Variants in MCTS1 observed in about 807,000 individuals in gnomAD.
MCTS1 encodes malignant T-cell-amplified sequence 1.
For missense variants in MCTS1, 55 were observed against 128.6 expected (o/e 0.43, Z 2.77); for synonymous variants, 26 against 40.8 (o/e 0.64, Z 1.38).
chrX:120,611,111 A>G, intron 5 of MCTS1, 33 bp downstream of exon 5: 1 of 1,166,500 alleles, frequency 8.6e-7, no homozygotes, highest in Non-Finnish European at 1.2e-6. Flanking sequence ...TTAACTTTTG[A>G]TATATGGGTA....
rs1183232913 is a variant in MCTS1, at chrX:120,621,055, ACTTAATAAATAATGT to A, written c.*8792_*8806del. ...CTAAAATACACCCTGGATTTCAAAG[ACTTAATAAATAATGT>A]AAATTATCTATTCTTTCCTGTTGAT... On this transcript the variant is annotated 3_prime_UTR_variant, in exon 6 of 6. Transcript: ENST00000371317. 1 of 111,962 alleles carries A rather than the reference ACTTAATAAATAATGT, an allele frequency of 8.9e-6. No homozygotes were observed. The highest frequency in any genetic ancestry group is 1.9e-5 in the Non-Finnish European group (1 of 53,247). The allele number at this position is 111,962 out of a possible 1,213,427, so 9.2% of individuals were successfully genotyped here. A position where few individuals can be genotyped will look rare whatever the true frequency, so the allele number is the denominator to read the frequency against.
rs1256318901 is a variant in MCTS1 at position 120,621,047 on chromosome X, T to C, written c.*8783T>C. 1 of 111,922 alleles carries C rather than the reference T, an allele frequency of 8.9e-6. No individual in the cohort carries two copies. Among genetic ancestry groups the C allele is most frequent in the Non-Finnish European group, 1.9e-5 (1 of 53,248 alleles). 9.2% of individuals were successfully genotyped at this position (111,922 alleles called of 1,213,427 possible). Reference sequence around the variant, plus strand: ...TGCTGTAACTAAAATACACCCTGGATTTCAAAGACTTAATAAATAATGTAA... The same window carrying C: ...TGCTGTAACTAAAATACACCCTGGACTTCAAAGACTTAATAAATAATGTAA... On this transcript the variant is annotated 3_prime_UTR_variant, in exon 6 of 6. Transcript: ENST00000371317.
chrX:120,604,822 G>C (rs1926490608), intron 1 of MCTS1: 3 of 1,153,520 alleles, frequency 2.6e-6, no homozygotes, highest in Non-Finnish European at 3.5e-6. Context: ...TTGCCTTCCA[G>C]ATTTGGTAGA....
chrX:120,608,884 AAATT>A (rs1453457625), intron 4 of MCTS1, among the ~76,000 whole-genome samples: 1 of 111,973 alleles, frequency 8.9e-6, no homozygotes, highest in Admixed American at 9.5e-5. Flanking sequence ...TTTATTTTGA[AAATT>A]AATTATTTGA....
chrX:120,610,085 G>T (rs1345592624), intron 4 of MCTS1, among the ~76,000 whole-genome samples: 1 of 112,161 alleles, frequency 8.9e-6, no homozygotes, highest in African/African-American at 3.2e-5. Context: ...ACTTTAGGAG[G>T]CTGAGGCGGG....
At chrX:120,604,660 A>G (rs1167356987) in intron 1 of MCTS1, 1 of 1,035,259 alleles carries the variant, frequency 9.7e-7, no homozygotes. Context: ...TTCCTGGGTC[A>G]TGGGAGTGAA....
Position 120,617,619 on chromosome X carries a change from G to A in MCTS1, c.*5355G>A, listed in dbSNP as rs889810184. On this transcript the variant is annotated 3_prime_UTR_variant, in exon 6 of 6. Transcript: ENST00000371317. ...ACTTTCAGCCAATATGTGAATATAGGAGACTTCAAAAGCATAATCAATTAC... is the reference window on the plus strand; with the variant it reads ...ACTTTCAGCCAATATGTGAATATAGAAGACTTCAAAAGCATAATCAATTAC... Among the ~76,000 whole-genome samples, 22 of 111,784 alleles carry A rather than the reference G, an allele frequency of 2.0e-4. No individual in the cohort carries two copies. Among genetic ancestry groups the A allele is most frequent in the African/African-American group, 5.5e-4 (17 of 30,796 alleles).
In MCTS1 at chrX:120,615,845, G is replaced by C. The variant is rs1284917824; in HGVS notation, c.*3581G>C. ...CTCTGGACCCCAAACAAAAACAGCTGGATTTATCCCATGGGTAGTCATGAA... is the reference window on the plus strand; with the variant it reads ...CTCTGGACCCCAAACAAAAACAGCTCGATTTATCCCATGGGTAGTCATGAA... On this transcript the variant is annotated 3_prime_UTR_variant, in exon 6 of 6. Coordinates refer to ENST00000371317, the MANE Select transcript of MCTS1 (RefSeq NM_014060.3). 9.0e-6 allele frequency among the ~76,000 whole-genome samples: 1 copy of C among 111,325 alleles called. No individual in the cohort carries two copies. The highest frequency in any genetic ancestry group is 1.9e-5 in the Non-Finnish European group (1 of 53,053).
chrX:120,618,450 G>A lies in MCTS1; in HGVS notation c.*6186G>A, dbSNP rs1468254720. ...AAGTCCTTTTTGCTCTGTAGGCTCT[G>A]GACAGCTTTCTTAGAGTTGACTTAT... On this transcript the variant is annotated 3_prime_UTR_variant, in exon 6 of 6. Transcript: ENST00000371317. Among the ~76,000 whole-genome samples, 1 of 112,150 alleles carries A rather than the reference G, an allele frequency of 8.9e-6. No individual in the cohort carries two copies. The highest frequency in any genetic ancestry group is 1.9e-5 in the Non-Finnish European group (1 of 53,267).
rs1273066434 is a variant in MCTS1 at position 120,613,939 on chromosome X, T to C, written c.*1675T>C. On this transcript the variant is annotated 3_prime_UTR_variant, in exon 6 of 6. Transcript: ENST00000371317. ...CTTCCTAATAACCTTGCTGTTATTCTAGTGTCTTAGCCATCTTCATTTGGT... is the reference window on the plus strand; with the variant it reads ...CTTCCTAATAACCTTGCTGTTATTCCAGTGTCTTAGCCATCTTCATTTGGT... 1.8e-5 allele frequency among the ~76,000 whole-genome samples: 2 copies of C among 112,861 alleles called. No homozygotes were observed. Among genetic ancestry groups the C allele is most frequent in the African/African-American group, 6.4e-5 (2 of 31,045 alleles).
rs1926896716 is a variant in MCTS1 at position 120,617,692 on chromosome X, T to C, written c.*5428T>C. 8.9e-6 allele frequency among the ~76,000 whole-genome samples: 1 copy of C among 112,112 alleles called. No homozygotes were observed. On this transcript the variant is annotated 3_prime_UTR_variant, in exon 6 of 6. Transcript: ENST00000371317. ...GTTCTCAGAACTCTACCACCTAGAA[T>C]TTAAAGACGGGAAGATTTACTTTAT...
rs1158131535 is a variant in MCTS1 at position 120,617,144 on chromosome X, C to G, written c.*4880C>G. On this transcript the variant is annotated 3_prime_UTR_variant, in exon 6 of 6. Transcript: ENST00000371317. ...AAATTGGTTTATCTTTAGGCAGAAA[C>G]AGAAAGCAAAAAATTAAACTCATCC... is the stretch of plus-strand genomic sequence containing the variant. Among the ~76,000 whole-genome samples the G allele has an allele frequency of 4.5e-5, 5 of 112,093 alleles. No homozygotes were observed. The highest frequency in any genetic ancestry group is 9.4e-5 in the Non-Finnish European group (5 of 53,213).
rs1215352177 is a variant in MCTS1 at position 120,614,559 on chromosome X, A to G, written c.*2295A>G. ...TTTATTCCTGGTCCACGAAAGTATAAATAGTCTCATCAGGAACTCATTTGT... is the reference window on the plus strand; with the variant it reads ...TTTATTCCTGGTCCACGAAAGTATAGATAGTCTCATCAGGAACTCATTTGT... On this transcript the variant is annotated 3_prime_UTR_variant, in exon 6 of 6. Coordinates refer to ENST00000371317, the MANE Select transcript of MCTS1 (RefSeq NM_014060.3). 8.9e-6 allele frequency among the ~76,000 whole-genome samples: 1 copy of G among 111,952 alleles called. No individual in the cohort carries two copies. The highest frequency in any genetic ancestry group is 3.2e-5 in the African/African-American group (1 of 30,846).
chrX:120,606,743 C>T (rs889610466), intron 3 of MCTS1, among the ~76,000 whole-genome samples: 1 of 94,858 alleles, frequency 1.1e-5, no homozygotes, highest in East Asian at 3.4e-4. Flanking sequence ...GAGATCACGC[C>T]ATTGCACTCT....
At chrX:120,604,648 A>C in intron 1 of MCTS1, 1 of 1,022,315 alleles carries the variant, frequency 9.8e-7, no homozygotes, top group Non-Finnish European at 1.3e-6. Flanking sequence ...GGAAGGCTTG[A>C]CTTCCTGGGT....
intron 3 of MCTS1, among the ~76,000 whole-genome samples, chrX:120,606,677 G>A (rs1197751232): frequency 1.8e-5 from 2 of 109,569 alleles, no homozygotes; most frequent in African/African-American, 3.3e-5. Flanking sequence ...CCAGCTACTC[G>A]GGAGGCTGAG....
chrX:120,614,408 C>T lies in MCTS1; in HGVS notation c.*2144C>T, dbSNP rs1926788180. On this transcript the variant is annotated 3_prime_UTR_variant, in exon 6 of 6. Transcript: ENST00000371317. ...TCATCATTAATTAGAATGCTTATCT[C>T]TGCCAAAATCTCATCTCTTTCCTAG... Among the ~76,000 whole-genome samples the T allele has an allele frequency of 8.9e-6, 1 of 111,968 alleles. No individual in the cohort carries two copies. The highest frequency in any genetic ancestry group is 1.9e-5 in the Non-Finnish European group (1 of 53,210).
At position 120,615,151 on chromosome X, in the gene MCTS1, TA is replaced by T. The variant is rs769395474; in HGVS notation, c.*2890del. 1.8e-5 allele frequency among the ~76,000 whole-genome samples: 2 copies of T among 112,475 alleles called. No individual in the cohort carries two copies. The highest frequency in any genetic ancestry group is 1.9e-4 in the Admixed American group (2 of 10,538). On this transcript the variant is annotated 3_prime_UTR_variant, in exon 6 of 6. Coordinates refer to ENST00000371317, the MANE Select transcript of MCTS1 (RefSeq NM_014060.3). Reference sequence around the variant, plus strand: ...TACATGAAAGGCAATTCAAAGAGATTAAACTAGCAGATGTGTCAGCATCTTT... The same window carrying T: ...TACATGAAAGGCAATTCAAAGAGATTAACTAGCAGATGTGTCAGCATCTTT...
chrX:120,604,909 A>T (rs569081407), intron 1 of MCTS1: 3 of 1,117,776 alleles, frequency 2.7e-6, no homozygotes, highest in East Asian at 3.5e-5. Flanking sequence ...ACGAATAGGG[A>T]TCTTAGAAAT....
Sources: allele counts gnomAD v4.1 joint callset (sites outside exome capture counted in the v4.1 genomes callset), GRCh38; gene constraint gnomAD v4.1.1; transcripts MANE v1.5; gene names NCBI Gene and HGNC (gene_info 2026-07-23, HGNC 2026-07-21).